The following SPTBN1 variants were observed in gnomAD, a reference collection of about 807,000 sequenced individuals.
SPTBN1 encodes spectrin beta, non-erythrocytic 1, also known as spectrin beta chain, non-erythrocytic 1.
In SPTBN1, 32 loss-of-function variants were observed where a neutral mutation model predicts 266.4. The observed-to-expected ratio is 0.12, with a 90% CI of 0.09 to 0.16. SPTBN1 has a LOEUF of 0.16. Among genes scored for constraint, SPTBN1 ranks in the 10% least tolerant of loss-of-function variants. The probability of loss-of-function intolerance (pLI) is 1.00; values close to 1 mark genes in which losing one functional copy is unlikely to be tolerated. For missense variants in SPTBN1, 2,296 were observed against 3,067.1 expected (o/e 0.75, Z 5.94); for synonymous variants, 1,336 against 1,162.2 (o/e 1.15, Z -3.04).
chr2:54,590,872 G>A (rs1016605580), intron 2 of SPTBN1, among the ~76,000 whole-genome samples: 3 of 152,182 alleles, frequency 2.0e-5, no homozygotes, highest in Non-Finnish European at 2.9e-5. Flanking sequence ...GGGGTCCGTT[G>A]AAGGTTTTGG....
intron 2 of SPTBN1, among the ~76,000 whole-genome samples, chr2:54,597,488 G>A (rs1676167669): frequency 6.6e-6 from 1 of 152,174 alleles, no homozygotes; most frequent in South Asian, 2.1e-4. Context: ...CTTTGTCCCT[G>A]GGGAAGGGCC....
At chr2:54,474,795 G>A (rs939665839) in intron 1 of SPTBN1, among the ~76,000 whole-genome samples, 1 of 152,120 alleles carries the variant, frequency 6.6e-6, no homozygotes, top group Non-Finnish European at 1.5e-5. Flanking sequence ...TTTTGCTTTT[G>A]TCTCAGAGCT....
Position 54,646,521 on chromosome 2 carries a change from T to A in SPTBN1, c.4866+46T>A. On this transcript the variant is annotated intron_variant, in intron 23 of 35. Coordinates refer to ENST00000356805, the MANE Select transcript of SPTBN1 (RefSeq NM_003128.3). The surrounding 1 kb of genome is among the most constrained non-coding windows in gnomAD (Gnocchi z 4.4). ...TCCCTGTCCCAGGAGAGCCTCAGAT[T>A]CAAACCCTGGGCACACTTTCTGCTG... 6.9e-7 allele frequency: 1 copy of A among 1,447,910 alleles called. No individual in the cohort carries two copies. Among genetic ancestry groups the A allele is most frequent in the Non-Finnish European group, 9.1e-7 (1 of 1,100,242 alleles). 89.7% of individuals were successfully genotyped at this position (1,447,910 alleles called of 1,614,324 possible).
Position 54,631,396 on chromosome 2 carries a change from G to T in SPTBN1, c.3349G>T (p.Asp1117Tyr). ...GAACGAGATCGACAACTACGAGGAG[G>T]ACTACCAGAAGATGAGGGACATGGG... ...IKNEIDNYEE[D>Y]YQKMRDMGEM... Residue 1117 changes from aspartate to tyrosine, a missense_variant, in exon 16 of 36, where the codon GAC (aspartate) becomes TAC (tyrosine). Physicochemically the swap from Asp to Tyr is radical, Grantham distance 160. Around this residue, in one of 12 missense-constraint regions of SPTBN1, gnomAD observed 386 missense variants for 486.1 expected, o/e 0.79. Transcript: ENST00000356805. 1 of 1,614,258 alleles carries T rather than the reference G, an allele frequency of 6.2e-7. No homozygotes were observed. Among genetic ancestry groups the T allele is most frequent in the Non-Finnish European group, 8.5e-7 (1 of 1,180,042 alleles).
rs529504806 is a variant in SPTBN1, at chr2:54,590,036, A to G, written c.149-9056A>G. 1.5e-4 allele frequency among the ~76,000 whole-genome samples: 23 copies of G among 152,358 alleles called. No individual in the cohort carries two copies. In the South Asian group the frequency reaches 3.3e-3, roughly 22 times the overall value. ...TTAAATAATGTTGTAATATGTTACA[A>G]TGATGTCCTAATCACACCGTTGTGT... On this transcript the variant is annotated intron_variant, in intron 2 of 35. Coordinates refer to ENST00000356805, the MANE Select transcript of SPTBN1 (RefSeq NM_003128.3).
intron 8 of SPTBN1, 40 bp downstream of exon 8, chr2:54,621,552 A>C (rs748498469): frequency 6.5e-7 from 1 of 1,531,634 alleles, no homozygotes; most frequent in Non-Finnish European, 9.0e-7. Context: ...AGACATAATT[A>C]AGGTTAATTG....
intron 1 of SPTBN1, among the ~76,000 whole-genome samples, chr2:54,512,847 A>G (rs868366206): frequency 1.3e-5 from 2 of 152,156 alleles, no homozygotes; most frequent in South Asian, 4.1e-4. Flanking sequence ...GCATTTCACA[A>G]TTGTTTTTGA....
Position 54,644,376 on chromosome 2 carries a change from G to A in SPTBN1, c.4059G>A (p.Glu1353=). 3.1e-6 allele frequency: 5 copies of A among 1,614,068 alleles called. No homozygotes were observed. Among genetic ancestry groups the A allele is most frequent in the Non-Finnish European group, 4.2e-6 (5 of 1,179,894 alleles). ...EKPETEAVVK[E]KLTGLHKMWE... is the part of the protein sequence containing the mutation. ...CTGAGACGGAAGCTGTGGTGAAGGA[G>A]AAACTCACTGGTTTACATAAAATGT... Residue 1353 remains glutamate (E), a synonymous_variant, in exon 20 of 36, where the codon GAG becomes GAA. Transcript: ENST00000356805.
chr2:54,526,550 C>T lies in SPTBN1; in HGVS notation c.132C>T (p.Arg44=). 1 of 1,613,848 alleles carries T rather than the reference C, an allele frequency of 6.2e-7. No homozygotes were observed. The highest frequency in any genetic ancestry group is 8.5e-7 in the Non-Finnish European group (1 of 1,179,896). ...NSSARLFERS[R]IKALADEREA... ...CTGCGCGGCTTTTTGAGCGGTCCCG[C>T]ATCAAGGCTCTGGCAGGTGAGTCCT... Residue 44 remains arginine (R), a synonymous_variant, in exon 2 of 36, where the codon CGC becomes CGT. Transcript: ENST00000356805.
intron 19 of SPTBN1, 120 bp downstream of exon 19, chr2:54,643,249 A>G (rs1286104940): frequency 7.1e-7 from 1 of 1,414,792 alleles, no homozygotes; most frequent in African/African-American, 1.4e-5. Flanking sequence ...CGTAAGTTAC[A>G]CAGCCAGTAA....
intron 2 of SPTBN1, among the ~76,000 whole-genome samples, chr2:54,531,911 A>G (rs1348201945): frequency 6.6e-6 from 1 of 152,070 alleles, no homozygotes; most frequent in Non-Finnish European, 1.5e-5. Context: ...CTTCATCTGA[A>G]AGCTTCCCCC....
intron 1 of SPTBN1, among the ~76,000 whole-genome samples, chr2:54,459,999 T>C (rs1192996810): frequency 1.3e-5 from 2 of 152,350 alleles, no homozygotes; most frequent in African/African-American, 4.8e-5. Flanking sequence ...CAATTAGATA[T>C]ACCTGTGTTT....
chr2:54,584,217 T>A (rs1018858382), intron 2 of SPTBN1, among the ~76,000 whole-genome samples: 2 of 152,240 alleles, frequency 1.3e-5, no homozygotes, highest in Non-Finnish European at 2.9e-5. Context: ...TTTTCCTTAC[T>A]CTTTTTAATG....
chr2:54,564,568 C>T (rs1673545727), intron 2 of SPTBN1, among the ~76,000 whole-genome samples: 1 of 152,310 alleles, frequency 6.6e-6, no homozygotes, highest in East Asian at 1.9e-4. Context: ...CAGCTGCTGC[C>T]ACACCTGTAC....
intron 1 of SPTBN1, among the ~76,000 whole-genome samples, chr2:54,483,277 T>C (rs1005060147): frequency 2.3e-4 from 35 of 152,154 alleles, no homozygotes; most frequent in Admixed American, 1.0e-3. Context: ...TGGGCCCCCA[T>C]GTTCTTGGAG....
intron 2 of SPTBN1, among the ~76,000 whole-genome samples, chr2:54,569,865 G>A (rs1445868325): frequency 6.6e-6 from 1 of 152,128 alleles, no homozygotes; most frequent in Admixed American, 6.5e-5. Flanking sequence ...GTAAACTTGA[G>A]TGCCTCAACT....
chr2:54,504,572 T>C (rs1289715981), intron 1 of SPTBN1, among the ~76,000 whole-genome samples: 1 of 152,214 alleles, frequency 6.6e-6, no homozygotes, highest in East Asian at 1.9e-4. Flanking sequence ...GTGTAGGCGT[T>C]GTATTAGGAA....
intron 4 of SPTBN1, among the ~76,000 whole-genome samples, chr2:54,615,161 A>G (rs1048137140): frequency 2.6e-5 from 4 of 152,254 alleles, no homozygotes; most frequent in African/African-American, 9.6e-5. Flanking sequence ...AGTTGTTTCA[A>G]TTCCCAGGTG....
Position 54,653,372 on chromosome 2 carries a change from G to A in SPTBN1, c.5578-237G>A, listed in dbSNP as rs2104140706. On this transcript the variant is annotated intron_variant, in intron 26 of 35. Coordinates refer to ENST00000356805, the MANE Select transcript of SPTBN1 (RefSeq NM_003128.3). This position sits in a 1 kb window ranked among gnomAD's most constrained non-coding sequence, Gnocchi z 5.1. ...AAACTCTCCTGCCTGTCTTCCTGTA[G>A]CATTTCATTTGTTTTATCATTCATA... 2 of 538,390 alleles carry A rather than the reference G, an allele frequency of 3.7e-6. No homozygotes were observed. The highest frequency in any genetic ancestry group is 3.9e-5 in the East Asian group (1 of 25,796). 33.4% of individuals were successfully genotyped at this position (538,390 alleles called of 1,614,324 possible).
Sources: gnomAD v4.1 joint callset for allele counts (sites outside exome capture counted in the v4.1 genomes callset) on GRCh38, gnomAD v4.1.1 for gene constraint, gnomAD v4.1.1 regional missense constraint, Gnocchi (gnomAD v3.1) non-coding constraint, MANE v1.5 for transcripts, NCBI Gene and HGNC (gene_info 2026-07-23, HGNC 2026-07-21) for gene names.